KCNB2: variants seen among roughly 807,000 people sequenced by gnomAD.
KCNB2 encodes the protein potassium voltage-gated channel subfamily B member 2, also known as delayed rectifier potassium channel protein.
KCNB2 carries 15 observed loss-of-function variants against 61.5 expected under a neutral mutation model. The ratio of observed to expected loss-of-function variants is 0.24; its 90% CI spans 0.16 to 0.38. The LOEUF is 0.38. Among genes scored for constraint, KCNB2 ranks in the 10% least tolerant of loss-of-function variants. The pLI is 1.00. For synonymous variants in KCNB2, 457 were observed against 446.0 expected, an observed-to-expected ratio of 1.02 and a Z score of -0.31; for missense variants, 828 against 1,125.2, an observed-to-expected ratio of 0.74 and a Z score of 3.78.
At chr8:72,594,466 G>A (rs1309144763) in intron 2 of KCNB2, among the ~76,000 whole-genome samples, 2 of 152,322 alleles carry the variant, frequency 1.3e-5, no homozygotes, top group East Asian at 1.9e-4. Context: ...TTGGGAATGT[G>A]TGGAGTCAGG....
Position 72,610,039 on chromosome 8 carries a change from G to A in KCNB2, c.579+41726G>A, listed in dbSNP as rs575798051. ...AGATTTTTGTTGTACCTTCTAAAGT[G>A]TAATCACTTAATAATATTTCAAAAA... is the stretch of plus-strand genomic sequence containing the variant. On this transcript the variant is annotated intron_variant, in intron 2 of 2. Transcript: ENST00000523207. Among the ~76,000 whole-genome samples the A allele has an allele frequency of 5.3e-5, 8 of 152,134 alleles. No homozygotes were observed. The South Asian group carries it at 1.7e-3, about 32-fold the overall frequency.
chr8:72,766,869 G>A (rs917694647), intron 2 of KCNB2, among the ~76,000 whole-genome samples: 1 of 152,128 alleles, frequency 6.6e-6, no homozygotes. Context: ...ACCCAAGACT[G>A]GGAAGAAAAA....
chr8:72,617,719 C>T (rs1478834541), intron 2 of KCNB2, among the ~76,000 whole-genome samples: 1 of 152,130 alleles, frequency 6.6e-6, no homozygotes, highest in East Asian at 1.9e-4. Flanking sequence ...GTTTGTCTTA[C>T]TCATCCAGGT....
At chr8:72,628,034 A>G (rs550916782) in intron 2 of KCNB2, among the ~76,000 whole-genome samples, 50 of 151,836 alleles carry the variant, frequency 3.3e-4, no homozygotes, top group African/African-American at 8.5e-4. Flanking sequence ...GCCCACTGCC[A>G]CCTCCACCTC....
intron 2 of KCNB2, among the ~76,000 whole-genome samples, chr8:72,583,035 T>C (rs187062325): frequency 3.9e-5 from 6 of 152,246 alleles, no homozygotes; most frequent in African/African-American, 1.4e-4. Context: ...CTGACTTTCA[T>C]TGTAATCCAA....
At chr8:72,568,680 A>G (rs1443316123) in intron 2 of KCNB2, among the ~76,000 whole-genome samples, 1 of 152,150 alleles carries the variant, frequency 6.6e-6, no homozygotes, top group Non-Finnish European at 1.5e-5. Context: ...CCTGAGCTCC[A>G]TCTTGAACAA....
intron 2 of KCNB2, among the ~76,000 whole-genome samples, chr8:72,916,409 G>T (rs1320705018): frequency 6.6e-6 from 1 of 152,146 alleles, no homozygotes; most frequent in Admixed American, 6.5e-5. Context: ...TCACGGGACG[G>T]GGAGCACAGG....
chr8:72,546,164 A>C (rs1806255107), intron 1 of KCNB2, among the ~76,000 whole-genome samples: 1 of 141,878 alleles, frequency 7.0e-6, no homozygotes, highest in Admixed American at 7.3e-5. Context: ...GAAAAGTTCA[A>C]AGCTAGCAGA....
intron 2 of KCNB2, among the ~76,000 whole-genome samples, chr8:72,859,512 T>C (rs11778397): frequency 0.15 from 22,883 of 151,690 alleles, 2,369 homozygotes; most frequent in African/African-American, 0.29. Flanking sequence ...AGCCATCACC[T>C]TGTCATCCCA....
chr8:72,599,052 C>G (rs890004484), intron 2 of KCNB2, among the ~76,000 whole-genome samples: 6 of 152,132 alleles, frequency 3.9e-5, no homozygotes, highest in African/African-American at 1.4e-4. Context: ...AATGCCGTCC[C>G]CATCAAACTA....
In KCNB2 at chr8:72,761,402, C is replaced by T. The variant is rs1401474423; in HGVS notation, c.580-174533C>T. ...TGAAACACATGCATTCACAAATGAGCCCCTTCCAACAATGCCTAAGGAGAT... is the reference window on the plus strand; with the variant it reads ...TGAAACACATGCATTCACAAATGAGTCCCTTCCAACAATGCCTAAGGAGAT... On this transcript the variant is annotated intron_variant, in intron 2 of 2. Transcript: ENST00000523207. Among the ~76,000 whole-genome samples, 5 of 152,156 alleles carry T rather than the reference C, an allele frequency of 3.3e-5. No individual in the cohort carries two copies. In the East Asian group the frequency reaches 9.6e-4, roughly 29 times the overall value.
At chr8:72,839,148 C>T (rs555498385) in intron 2 of KCNB2, among the ~76,000 whole-genome samples, 5 of 152,254 alleles carry the variant, frequency 3.3e-5, no homozygotes, top group South Asian at 4.2e-4. Context: ...CATTACCAAA[C>T]GTATACCTTT....
chr8:72,650,186 A>C (rs1298998808), intron 2 of KCNB2, among the ~76,000 whole-genome samples: 1 of 152,206 alleles, frequency 6.6e-6, no homozygotes, highest in Non-Finnish European at 1.5e-5. Flanking sequence ...GCTATTTTAT[A>C]GACCTTGCCT....
intron 2 of KCNB2, among the ~76,000 whole-genome samples, chr8:72,710,950 C>T (rs2128991796): frequency 6.6e-6 from 1 of 152,294 alleles, no homozygotes; most frequent in East Asian, 1.9e-4. Flanking sequence ...CTTCATCGAT[C>T]AACATAGGCT....
intron 2 of KCNB2, among the ~76,000 whole-genome samples, chr8:72,659,195 T>C (rs1352388947): frequency 6.6e-6 from 1 of 151,964 alleles, no homozygotes; most frequent in African/African-American, 2.4e-5. Context: ...CCGGAGGAGG[T>C]CAAAATATCA....
rs532697585 is a variant in KCNB2, at chr8:72,733,733, T to C, written c.579+165420T>C. ...AAGGAAGAGGAGTGTTCTGAGCTGATCACCCCAAGCTGCAGTTTCTGATTG... is the reference window on the plus strand; with the variant it reads ...AAGGAAGAGGAGTGTTCTGAGCTGACCACCCCAAGCTGCAGTTTCTGATTG... On this transcript the variant is annotated intron_variant, in intron 2 of 2. Coordinates refer to ENST00000523207, the MANE Select transcript of KCNB2 (RefSeq NM_004770.3). Among the ~76,000 whole-genome samples the C allele has an allele frequency of 3.9e-5, 6 of 152,240 alleles. No homozygotes were observed. In the East Asian group the frequency reaches 1.2e-3, roughly 29 times the overall value.
chr8:72,752,694 A>G (rs1005375232), intron 2 of KCNB2, among the ~76,000 whole-genome samples: 2 of 152,138 alleles, frequency 1.3e-5, no homozygotes, highest in African/African-American at 4.8e-5. Flanking sequence ...TAATCACATG[A>G]GCTAATTTCT....
chr8:72,605,694 T>C (rs1461534165), intron 2 of KCNB2, among the ~76,000 whole-genome samples: 1 of 152,230 alleles, frequency 6.6e-6, no homozygotes, highest in African/African-American at 2.4e-5. Context: ...CCAATTTCAT[T>C]GGAAATAAAT....
At chr8:72,884,417 G>A (rs1805769622) in intron 2 of KCNB2, among the ~76,000 whole-genome samples, 1 of 152,136 alleles carries the variant, frequency 6.6e-6, no homozygotes, top group African/African-American at 2.4e-5. Context: ...GTGTGTGTAT[G>A]TGTTGTGGGA....
Sources: gnomAD v4.1 joint callset for allele counts (sites outside exome capture counted in the v4.1 genomes callset) on GRCh38, gnomAD v4.1.1 for gene constraint, MANE v1.5 for transcripts, NCBI Gene and HGNC (gene_info 2026-07-23, HGNC 2026-07-21) for gene names.